CSMD3: variants seen among roughly 807,000 people sequenced by gnomAD.
CSMD3 encodes the protein CUB and Sushi multiple domains 3, also known as CUB and sushi domain-containing protein 3.
A neutral mutation model predicts 435.2 loss-of-function variants in CSMD3; 177 were observed. The ratio of observed to expected loss-of-function variants is 0.41; its 90% CI spans 0.36 to 0.46. The LOEUF (loss-of-function observed/expected upper bound fraction) is 0.46. CSMD3 is among the 20% of genes least tolerant of loss of function. The pLI is 0.34. For synonymous variants in CSMD3, 1,656 were observed against 1,520.5 expected (o/e 1.09, Z -2.07); for missense variants, 4,265 against 4,504.6 (o/e 0.95, Z 1.52).
intron 13 of CSMD3, among the ~76,000 whole-genome samples, chr8:112,778,456 T>C (rs1317762943): frequency 6.6e-6 from 1 of 151,980 alleles, no homozygotes. Flanking sequence ...GTTGAAATCA[T>C]ATAGTATGTA....
At chr8:112,697,626 A>G (rs1289909801) in intron 13 of CSMD3, among the ~76,000 whole-genome samples, 1 of 152,062 alleles carries the variant, frequency 6.6e-6, no homozygotes, top group Non-Finnish European at 1.5e-5. Context: ...ATTAGGTGAT[A>G]CACCTAATGC....
intron 7 of CSMD3, among the ~76,000 whole-genome samples, chr8:112,966,847 T>C (rs145578889): frequency 6.6e-6 from 1 of 151,890 alleles, no homozygotes; most frequent in African/African-American, 2.4e-5. Flanking sequence ...TTCCCACCAT[T>C]TGAGTCACTC....
At chr8:112,486,252 C>A (rs16883738) in intron 31 of CSMD3, among the ~76,000 whole-genome samples, 2,636 of 151,922 alleles carry the variant, frequency 0.017, 79 homozygotes, top group African/African-American at 0.06. Context: ...TCCAGGCACT[C>A]TTTGGTTCTG....
At chr8:112,640,339 C>A (rs1036296709) in intron 20 of CSMD3, among the ~76,000 whole-genome samples, 1 of 151,862 alleles carries the variant, frequency 6.6e-6, no homozygotes, top group Non-Finnish European at 1.5e-5. Context: ...TAAGAAAATT[C>A]CAAAATATCA....
chr8:112,529,711 G>A (rs559328588), intron 27 of CSMD3, among the ~76,000 whole-genome samples: 1 of 152,128 alleles, frequency 6.6e-6, no homozygotes, highest in Admixed American at 6.5e-5. Context: ...TACAAGCAGA[G>A]TCTGGGAAGA....
At chr8:113,018,890 C>T (rs1459316260) in intron 6 of CSMD3, 177 bp downstream of exon 6, 2 of 619,640 alleles carry the variant, frequency 3.2e-6, no homozygotes, top group Non-Finnish European at 5.8e-6. Flanking sequence ...AATCAACTAA[C>T]TTTAATACTG....
chr8:112,666,259 G>T lies in CSMD3; in HGVS notation c.2816+18C>A. On this transcript the variant is annotated intron_variant, in intron 17 of 70. Transcript: ENST00000297405. ...TAGATAATATTTTCTTTAAAAGTAG[G>T]AAAAATATTTGTGAGACCTTTCAAA... 1 of 1,587,296 alleles carries T rather than the reference G, an allele frequency of 6.3e-7. No homozygotes were observed. The highest frequency in any genetic ancestry group is 8.6e-7 in the Non-Finnish European group (1 of 1,157,638).
chr8:112,827,162 TAA>T (rs1491412367), intron 12 of CSMD3, among the ~76,000 whole-genome samples: 8,208 of 82,744 alleles, frequency 0.099, 1,321 homozygotes, highest in Non-Finnish European at 0.13. Flanking sequence ...TAGGTTACCA[TAA>T]ATATATATAT....
At chr8:112,826,203 G>T (rs544529202) in intron 12 of CSMD3, among the ~76,000 whole-genome samples, 2 of 152,300 alleles carry the variant, frequency 1.3e-5, no homozygotes, top group South Asian at 4.1e-4. Flanking sequence ...CAGAAGAAAA[G>T]CGTGGCCTGG....
chr8:113,006,780 C>T (rs1186402575), intron 6 of CSMD3, among the ~76,000 whole-genome samples: 1 of 151,846 alleles, frequency 6.6e-6, no homozygotes, highest in Non-Finnish European at 1.5e-5. Context: ...CAGAAGGAGA[C>T]TGGGATATGG....
chr8:113,389,827 AT>A (rs2133146555), intron 1 of CSMD3, among the ~76,000 whole-genome samples: 1 of 151,892 alleles, frequency 6.6e-6, no homozygotes, highest in Non-Finnish European at 1.5e-5. Flanking sequence ...GGGACAAATG[AT>A]TACCCTTCCC....
At chr8:113,293,848 A>G (rs1227397916) in intron 2 of CSMD3, among the ~76,000 whole-genome samples, 1 of 152,144 alleles carries the variant, frequency 6.6e-6, no homozygotes, top group African/African-American at 2.4e-5. Context: ...AAAAATACAT[A>G]TAAGAAATAA....
chr8:112,623,499 T>C (rs1586828689), intron 22 of CSMD3, among the ~76,000 whole-genome samples: 1 of 152,116 alleles, frequency 6.6e-6, no homozygotes, highest in Non-Finnish European at 1.5e-5. Context: ...TAGAACTTCA[T>C]TGATGAGAAT....
In CSMD3 at chr8:112,827,782, G is replaced by A. The variant is rs973506461; in HGVS notation, c.1859+1904C>T. Reference sequence around the variant, plus strand: ...TTAGCTATAGGCCCAGGCAGGCAACGCAAAGGATCTTAGAAGCTCAAGTGG... The same window carrying A: ...TTAGCTATAGGCCCAGGCAGGCAACACAAAGGATCTTAGAAGCTCAAGTGG... On this transcript the variant is annotated intron_variant, in intron 12 of 70. Coordinates refer to ENST00000297405, the MANE Select transcript of CSMD3 (RefSeq NM_198123.2). Among the ~76,000 whole-genome samples, 10 of 152,292 alleles carry A rather than the reference G, an allele frequency of 6.6e-5. No homozygotes were observed. In the East Asian group the frequency reaches 9.7e-4, roughly 15 times the overall value.
At chr8:113,418,817 T>TA (rs1292999023) in intron 1 of CSMD3, among the ~76,000 whole-genome samples, 1 of 152,128 alleles carries the variant, frequency 6.6e-6, no homozygotes, top group East Asian at 1.9e-4. Flanking sequence ...GAAACAGAGG[T>TA]AAAAATGTAT....
rs191570870 is a variant in CSMD3 at position 113,394,799 on chromosome 8, A to T, written c.178+41878T>A. Among the ~76,000 whole-genome samples, 176 of 144,642 alleles carry T rather than the reference A, an allele frequency of 1.2e-3. 1 individual carries two copies. The highest frequency in any genetic ancestry group is 4.3e-3 in the African/African-American group (151 of 35,228). 94.9% of individuals were successfully genotyped at this position (144,642 alleles called of 152,430 possible). ...AATTGAATGTATTGAAAGAAAATTT[A>T]AAAAAAAAATTTAACTATGTTAAGC... On this transcript the variant is annotated intron_variant, in intron 1 of 70. Transcript: ENST00000297405.
At chr8:113,427,676 T>G (rs2094644075) in intron 1 of CSMD3, among the ~76,000 whole-genome samples, 1 of 151,584 alleles carries the variant, frequency 6.6e-6, no homozygotes, top group Admixed American at 6.6e-5. Flanking sequence ...TGAAATAGAC[T>G]TTGTGAATGG....
At chr8:113,007,635 CA>C (rs2086105401) in intron 6 of CSMD3, among the ~76,000 whole-genome samples, 1 of 151,854 alleles carries the variant, frequency 6.6e-6, no homozygotes, top group Non-Finnish European at 1.5e-5. Flanking sequence ...TAGTAATTTG[CA>C]TTAATTTAGT....
At chr8:112,935,145 T>C (rs1311979628) in intron 9 of CSMD3, among the ~76,000 whole-genome samples, 1 of 152,154 alleles carries the variant, frequency 6.6e-6, no homozygotes, top group Non-Finnish European at 1.5e-5. Flanking sequence ...CACCATTTAT[T>C]GAAGAAAGTG....
Sources: allele counts gnomAD v4.1 joint callset (sites outside exome capture counted in the v4.1 genomes callset), GRCh38; gene constraint gnomAD v4.1.1; transcripts MANE v1.5; gene names NCBI Gene and HGNC (gene_info 2026-07-23, HGNC 2026-07-21).